Variants in CFAP65 observed in about 807,000 individuals in gnomAD.
CFAP65 encodes the protein cilia and flagella associated protein 65.
In CFAP65, 155 loss-of-function variants were observed where a neutral mutation model predicts 208.0. The observed-to-expected ratio is 0.75, with a 90% CI of 0.65 to 0.85. The LOEUF (loss-of-function observed/expected upper bound fraction) is 0.85, where lower values mean the gene tolerates loss of function less well. CFAP65 is among the 40% of genes least tolerant of loss of function. CFAP65 has a pLI of 0.00. For missense variants in CFAP65, 2,294 were observed against 2,451.3 expected (o/e 0.94, Z 1.36); for synonymous variants, 970 against 986.3 (o/e 0.98, Z 0.31).
rs375107182 is a variant in CFAP65, at chr2:219,019,163, G to C, written c.3490C>G (p.Pro1164Ala). Reference protein sequence around the residue: ...PTRHSMSQIPPVLTPLRLDFN... With the variant: ...PTRHSMSQIPAVLTPLRLDFN... ...TCAAGCCTTAAAGGGGTGAGGACGG[G>C]GGGGATCTGGCTCATGCTGTGAGGA... Residue 1164 changes from proline (P) to alanine (A), a missense_variant, in exon 21 of 35, where the codon CCC becomes GCC. Around this residue, in one of 2 missense-constraint regions of CFAP65, gnomAD observed 1,427 missense variants for 1,438.7 expected, o/e 0.99. Transcript: ENST00000341552. 15 of 1,613,468 alleles carry C rather than the reference G, an allele frequency of 9.3e-6. No homozygotes were observed. Among genetic ancestry groups the C allele is most frequent in the Admixed American group, 5.0e-5 (3 of 59,972 alleles).
Position 219,019,376 on chromosome 2 carries a change from A to G in CFAP65, c.3473+130T>C, listed in dbSNP as rs1011037458. On this transcript the variant is annotated intron_variant, in intron 20 of 34. Coordinates refer to ENST00000341552, the MANE Select transcript of CFAP65 (RefSeq NM_194302.4). ...TGGGCCCCTCCAGGGATGGGCGAGA[A>G]CTGGGGAGCTCTTCCCTCAAAGAGA... 4.7e-6 allele frequency: 5 copies of G among 1,065,676 alleles called. No individual in the cohort carries two copies. The African/African-American group carries it at 6.4e-5, about 14-fold the overall frequency. 66.0% of individuals were successfully genotyped at this position (1,065,676 alleles called of 1,614,324 possible).
intron 4 of CFAP65, among the ~76,000 whole-genome samples, chr2:219,035,953 C>T (rs1334271757): frequency 6.6e-6 from 1 of 152,158 alleles, no homozygotes; most frequent in Non-Finnish European, 1.5e-5. Context: ...ATCAGCCACT[C>T]TGTGCAAACA....
At position 219,004,549 on chromosome 2, in the gene CFAP65, G is replaced by T. The variant is rs77580905; in HGVS notation, c.5052-94C>A. ...AGAGCTAGGTTCTAGGTGGGAAAGG[G>T]GCTGCTAGGTGGGGAGAGGGGAGCC... On this transcript the variant is annotated intron_variant, in intron 32 of 34. Coordinates refer to ENST00000341552, the MANE Select transcript of CFAP65 (RefSeq NM_194302.4). The surrounding 1 kb of genome is among the most constrained non-coding windows in gnomAD (Gnocchi z 4.7). 207 of 1,397,640 alleles carry T rather than the reference G, an allele frequency of 1.5e-4. No individual in the cohort carries two copies. In the African/African-American group the frequency reaches 2.7e-3, roughly 18 times the overall value. 86.6% of individuals were successfully genotyped at this position (1,397,640 alleles called of 1,614,324 possible).
chr2:219,031,180 A>C lies in CFAP65; in HGVS notation c.941T>G (p.Ile314Ser), dbSNP rs778841473. The C allele has an allele frequency of 1.9e-6, 3 of 1,612,252 alleles. No individual in the cohort carries two copies. In the African/African-American group the frequency reaches 4.0e-5, roughly 22 times the overall value. ...KVTFQPLTAV[I>S]YEVQATCWYG... is the part of the protein sequence containing the mutation. Reference sequence around the variant, plus strand: ...CCAGCACGTGGCCTGCACCTCGTAGATGACGGCTGTAAGGGGCTGAAAGGT... The same window carrying C: ...CCAGCACGTGGCCTGCACCTCGTAGCTGACGGCTGTAAGGGGCTGAAAGGT... Residue 314 changes from isoleucine to serine, a missense_variant, in exon 8 of 35, where the codon ATC becomes AGC. Ile to Ser is a moderately radical substitution (Grantham distance 142, BLOSUM62 -2). This residue lies in a region of CFAP65 where 867 missense variants were observed against 1,012.6 expected (regional missense o/e 0.86). Transcript: ENST00000341552. This position sits in a 1 kb window ranked among gnomAD's most constrained non-coding sequence, Gnocchi z 5.2.
chr2:219,009,997 G>A lies in CFAP65; in HGVS notation c.4397C>T (p.Ser1466Phe). Residue 1466 changes from serine to phenylalanine, a missense_variant, in exon 27 of 35, where the codon TCC (serine) becomes TTC (phenylalanine). Coordinates refer to ENST00000341552, the MANE Select transcript of CFAP65 (RefSeq NM_194302.4). ...GGAGAAGGCAATTTCCTCGTTCTTG[G>A]AGATGTTGTTGAGGAAGAGCAGGCG... ...CSRLLFLNNI[S>F]KNEEIAFSWQ... 1 of 1,612,958 alleles carries A rather than the reference G, an allele frequency of 6.2e-7. No individual in the cohort carries two copies. The highest frequency in any genetic ancestry group is 8.5e-7 in the Non-Finnish European group (1 of 1,179,696).
intron 4 of CFAP65, among the ~76,000 whole-genome samples, chr2:219,037,922 C>G (rs1052818221): frequency 2.6e-5 from 4 of 152,190 alleles, no homozygotes; most frequent in Admixed American, 2.6e-4. Context: ...AAAAAGTAAA[C>G]AGTATCCATA....
At chr2:219,030,871 C>T in intron 8 of CFAP65, 37 bp from the exon 9 acceptor site, 3 of 1,598,746 alleles carry the variant, frequency 1.9e-6, no homozygotes, top group South Asian at 1.1e-5. Context: ...GGGAACCCAC[C>T]AGGGCCTCTG....
At chr2:219,020,160 T>G (rs1040558491) in intron 19 of CFAP65, among the ~76,000 whole-genome samples, 1 of 151,838 alleles carries the variant, frequency 6.6e-6, no homozygotes, top group Admixed American at 6.6e-5. Flanking sequence ...TCCCTCCCCA[T>G]TCACCCTCCC....
At chr2:219,038,838 G>A (rs764826573) in intron 3 of CFAP65, 58 bp downstream of exon 3, 51 of 1,540,782 alleles carry the variant, frequency 3.3e-5, no homozygotes, top group Non-Finnish European at 3.8e-5. Context: ...CCCCTCCATG[G>A]CCACACTTGG....
At position 219,019,577 on chromosome 2, in the gene CFAP65, G is replaced by A. The variant is rs568896147; in HGVS notation, c.3402C>T (p.Asp1134=). 1.9e-6 allele frequency: 3 copies of A among 1,613,760 alleles called. No individual in the cohort carries two copies. The highest frequency in any genetic ancestry group is 2.7e-5 in the African/African-American group (2 of 75,064). The change falls in exon 20 of 35, where the codon GAC becomes GAT. Residue 1134 remains aspartate, a synonymous_variant. Transcript: ENST00000341552. The part of the protein sequence containing the change: ...RKHLWRLFSL[D]LLNSYLERDP... Reference sequence around the variant, plus strand: ...CACGCTCCAAGTAACTGTTAAGCAGGTCCAGAGAGAAGAGGCGCCACAGGT... The same window carrying A: ...CACGCTCCAAGTAACTGTTAAGCAGATCCAGAGAGAAGAGGCGCCACAGGT...
chr2:219,028,562 C>T (rs1947811901), intron 11 of CFAP65, 161 bp from the exon 12 acceptor site: 2 of 670,290 alleles, frequency 3.0e-6, no homozygotes, highest in Admixed American at 2.2e-5. Flanking sequence ...AGTGGTCTGG[C>T]TCAGCCAGGG....
At chr2:219,020,074 G>C (rs1432998379) in intron 19 of CFAP65, among the ~76,000 whole-genome samples, 1 of 149,274 alleles carries the variant, frequency 6.7e-6, no homozygotes, top group Admixed American at 6.7e-5. Flanking sequence ...TATTCACAGA[G>C]TTGTGCAACC....
At chr2:219,038,698 C>T (rs1417855938) in intron 3 of CFAP65, 120 bp from the exon 4 acceptor site, 10 of 1,140,512 alleles carry the variant, frequency 8.8e-6, no homozygotes, top group Non-Finnish European at 1.3e-5. Context: ...GCTCTGGCAA[C>T]AGGTGCTACC....
At chr2:219,009,646 T>G in intron 27 of CFAP65, among the ~76,000 whole-genome samples, 186 bp from the exon 28 acceptor site, 1 of 104,160 alleles carries the variant, frequency 9.6e-6, no homozygotes, top group Admixed American at 9.2e-5. Context: ...TGGGATGGGA[T>G]GGGATGGGAT....
intron 19 of CFAP65, among the ~76,000 whole-genome samples, 171 bp downstream of exon 19, chr2:219,020,981 C>A (rs1295790524): frequency 6.6e-6 from 1 of 152,246 alleles, no homozygotes; most frequent in African/African-American, 2.4e-5. Flanking sequence ...CTCATCTGGA[C>A]AGACATGTCT....
In CFAP65 at chr2:219,024,055, G is replaced by C. The variant is rs1463194768; in HGVS notation, c.2555C>G (p.Thr852Ser). ...GGAAGCATTGCACTGCAGATAGAAA[G>C]TGTGCTGCTTCCAGGAGCTGCCCTC... ...YPEGSSWKQH[T>S]FYLQCNASPQ... Residue 852 changes from threonine (T) to serine (S), a missense_variant, in exon 15 of 35, where the codon ACT becomes AGT. Thr to Ser is a moderately conservative substitution (Grantham distance 58). This residue lies in a region of CFAP65 where 1,427 missense variants were observed against 1,438.7 expected (regional missense o/e 0.99). Coordinates refer to ENST00000341552, the MANE Select transcript of CFAP65 (RefSeq NM_194302.4). 2.5e-6 allele frequency: 4 copies of C among 1,613,936 alleles called. No individual in the cohort carries two copies. The highest frequency in any genetic ancestry group is 3.4e-6 in the Non-Finnish European group (4 of 1,180,028).
chr2:219,016,241 A>G (rs2106141511), intron 21 of CFAP65, among the ~76,000 whole-genome samples: 1 of 149,220 alleles, frequency 6.7e-6, no homozygotes, highest in South Asian at 2.1e-4. Context: ...TTAATATTTC[A>G]GCCTCTCCTT....
rs200260682 is a variant in CFAP65 at position 219,030,153 on chromosome 2, G to T, written c.1217C>A (p.Ala406Asp). The T allele has an allele frequency of 3.1e-6, 5 of 1,614,032 alleles. No homozygotes were observed. Among genetic ancestry groups the T allele is most frequent in the Admixed American group, 1.7e-5 (1 of 60,008 alleles). ...GCCATGGGCCGTGGGGCATGAGAAG[G>T]CCTGGTCTTCGGCCAGTTCATCCGG... Reference protein sequence around the residue: ...ISPDELAEDQAFSCPTAHGIV... With the variant: ...ISPDELAEDQDFSCPTAHGIV... Residue 406 changes from alanine (A) to aspartate (D), a missense_variant, in exon 10 of 35, where the codon GCC (alanine) becomes GAC (aspartate). Around this residue, in one of 2 missense-constraint regions of CFAP65, gnomAD observed 867 missense variants for 1,012.6 expected, o/e 0.86. Transcript: ENST00000341552.
chr2:219,007,320 T>C (rs1223583227), intron 29 of CFAP65, among the ~76,000 whole-genome samples: 10 of 151,576 alleles, frequency 6.6e-5, no homozygotes, highest in African/African-American at 2.4e-4. Flanking sequence ...ACTACAGGTG[T>C]GAGCCACCAC....
Sources: allele counts gnomAD v4.1 joint callset (sites outside exome capture counted in the v4.1 genomes callset), GRCh38; gene constraint gnomAD v4.1.1; regional missense constraint gnomAD v4.1.1; non-coding constraint Gnocchi (gnomAD v3.1); transcripts MANE v1.5; gene names NCBI Gene and HGNC (gene_info 2026-07-23, HGNC 2026-07-21).